HMGCLL1: variants seen among roughly 807,000 people sequenced by gnomAD.
HMGCLL1 encodes the protein 3-hydroxy-3-methylglutaryl-CoA lyase like 1.
Under a neutral mutation model 39.1 loss-of-function variants are expected in HMGCLL1, and 36 were observed. That is an observed-to-expected ratio of 0.92 (90% confidence interval 0.71 to 1.22). The LOEUF is 1.22. Among genes scored for constraint, HMGCLL1 ranks in the 50% most tolerant of loss-of-function variants. The pLI is 0.00. For synonymous variants in HMGCLL1, 149 were observed against 144.0 expected (o/e 1.03, Z -0.25); for missense variants, 451 against 416.5 (o/e 1.08, Z -0.72).
intron 8 of HMGCLL1, among the ~76,000 whole-genome samples, chr6:55,436,365 T>A (rs1763373756): frequency 6.6e-6 from 1 of 152,054 alleles, no homozygotes; most frequent in Non-Finnish European, 1.5e-5. Context: ...GAGGTTGTAC[T>A]GTCTGAAAGT....
rs199603898 is a variant in HMGCLL1 at position 55,541,742 on chromosome 6, C to A, written c.284G>T (p.Arg95Ile). The A allele has an allele frequency of 8.8e-5, 139 of 1,585,070 alleles. No homozygotes were observed. Among genetic ancestry groups the A allele is most frequent in the Non-Finnish European group, 1.1e-4 (126 of 1,163,054 alleles). Residue 95 changes from arginine (R) to isoleucine (I), a missense_variant, in exon 3 of 9, where the codon AGA (arginine) becomes ATA (isoleucine). Arg to Ile is a moderately conservative substitution (Grantham distance 97, BLOSUM62 -3). Coordinates refer to ENST00000274901, the MANE Select transcript of HMGCLL1 (RefSeq NM_001042406.2). ...GGGTTTACATACCTGTGGTACCCAT[C>A]TGGAAGACACAAAGCTAGTCACTTC... ...VIEVTSFVSSRWVPQMADHTE... is the reference protein window; with the variant it reads ...VIEVTSFVSSIWVPQMADHTE...
At chr6:55,632,069 G>A in the HMGCLL1 span, among the ~76,000 whole-genome samples, 1 of 152,046 alleles carries the variant, frequency 6.6e-6, no homozygotes, top group Non-Finnish European at 1.5e-5. Context: ...TTTAAGTGAA[G>A]TCATGAGTGA....
intron 4 of HMGCLL1, 38 bp from the exon 5 acceptor site, chr6:55,514,234 T>C (rs1767618641): frequency 6.6e-7 from 1 of 1,514,400 alleles, no homozygotes; most frequent in Non-Finnish European, 9.0e-7. Context: ...TCTAATAACT[T>C]CAAAAATGTG....
At chr6:55,461,235 A>C (rs376382723) in intron 7 of HMGCLL1, among the ~76,000 whole-genome samples, 2 of 152,002 alleles carry the variant, frequency 1.3e-5, no homozygotes, top group East Asian at 1.9e-4. Flanking sequence ...TTTTATTGTA[A>C]GTGCTTTTTT....
intron 7 of HMGCLL1, among the ~76,000 whole-genome samples, chr6:55,468,785 A>T (rs1010374177): frequency 1.3e-5 from 2 of 151,954 alleles, no homozygotes; most frequent in Admixed American, 6.6e-5. Context: ...TGTAACTACT[A>T]TGCTACACTC....
At chr6:55,591,282 A>C in the HMGCLL1 span, among the ~76,000 whole-genome samples, 63,486 of 151,636 alleles carry the variant, frequency 0.42, 14,034 homozygotes, top group East Asian at 0.6. Context: ...AGTCCTGATA[A>C]CATCATAAGT....
the HMGCLL1 span, among the ~76,000 whole-genome samples, chr6:55,598,068 A>G: frequency 1.1e-3 from 161 of 152,330 alleles, no homozygotes; most frequent in African/African-American, 3.7e-3. Flanking sequence ...ATCATGATCA[A>G]CTAATCATAG....
intron 7 of HMGCLL1, among the ~76,000 whole-genome samples, chr6:55,450,411 T>C (rs776036382): frequency 5.1e-4 from 78 of 152,368 alleles, no homozygotes; most frequent in Non-Finnish European, 8.4e-4. Flanking sequence ...TTTAACTGTG[T>C]GATTTTGATA....
At chr6:55,621,385 G>A in the HMGCLL1 span, among the ~76,000 whole-genome samples, 1 of 152,044 alleles carries the variant, frequency 6.6e-6, no homozygotes, top group Non-Finnish European at 1.5e-5. Flanking sequence ...ACAACGGGTG[G>A]TGAGTGGTGG....
chr6:55,477,213 ATAT>A (rs1239587412), intron 7 of HMGCLL1, among the ~76,000 whole-genome samples: 4 of 18,682 alleles, frequency 2.1e-4, no homozygotes, highest in East Asian at 2.7e-3. Flanking sequence ...AATATATATT[ATAT>A]TATAATATAT....
intron 1 of HMGCLL1, among the ~76,000 whole-genome samples, chr6:55,565,991 A>G (rs1771192675): frequency 6.6e-6 from 1 of 152,144 alleles, no homozygotes; most frequent in African/African-American, 2.4e-5. Flanking sequence ...TTTAAAAATT[A>G]AGGAGTTATC....
the HMGCLL1 span, among the ~76,000 whole-genome samples, chr6:55,594,393 C>G: frequency 1.8e-4 from 27 of 152,034 alleles, no homozygotes; most frequent in Admixed American, 1.6e-3. Context: ...CATTTTTAAC[C>G]AAGAATTTTG....
chr6:55,508,659 CTT>C (rs1272630906), intron 5 of HMGCLL1, among the ~76,000 whole-genome samples: 2 of 151,688 alleles, frequency 1.3e-5, no homozygotes, highest in African/African-American at 4.8e-5. Context: ...ATTAAATTCA[CTT>C]TGTTATATCC....
chr6:55,480,219 C>G (rs908183968), intron 7 of HMGCLL1, among the ~76,000 whole-genome samples: 17 of 151,698 alleles, frequency 1.1e-4, no homozygotes, highest in Admixed American at 1.0e-3. Context: ...TATTTGAAAA[C>G]TATCCATTTG....
the HMGCLL1 span, among the ~76,000 whole-genome samples, chr6:55,610,140 C>CA: frequency 6.6e-6 from 1 of 152,088 alleles, no homozygotes; most frequent in Non-Finnish European, 1.5e-5. Flanking sequence ...CAAATGATCG[C>CA]AATGCCTCTC....
intron 5 of HMGCLL1, chr6:55,513,740 A>G (rs1288881367): frequency 5.5e-6 from 2 of 363,556 alleles, no homozygotes; most frequent in Non-Finnish European, 9.6e-6. Context: ...TTATCAGCAC[A>G]TGTAGGCTGA....
At chr6:55,647,468 C>T in the HMGCLL1 span, among the ~76,000 whole-genome samples, 2 of 151,814 alleles carry the variant, frequency 1.3e-5, no homozygotes, top group Non-Finnish European at 2.9e-5. Flanking sequence ...ACAGTCTTCT[C>T]TTCCTTCTTT....
At chr6:55,478,048 T>C (rs1278024380) in intron 7 of HMGCLL1, among the ~76,000 whole-genome samples, 1 of 150,902 alleles carries the variant, frequency 6.6e-6, no homozygotes, top group Non-Finnish European at 1.5e-5. Context: ...ATGTTTTTAT[T>C]GTGGAAAAAT....
the HMGCLL1 span, among the ~76,000 whole-genome samples, chr6:55,630,896 G>T: frequency 1.3e-5 from 2 of 152,042 alleles, no homozygotes; most frequent in African/African-American, 4.8e-5. Context: ...CCAGTCTCGG[G>T]TATTTTTTTA....
Sources: gnomAD v4.1 joint callset for allele counts (sites outside exome capture counted in the v4.1 genomes callset) on GRCh38, gnomAD v4.1.1 for gene constraint, MANE v1.5 for transcripts, NCBI Gene and HGNC (gene_info 2026-07-23, HGNC 2026-07-21) for gene names.